MARCHF1: variants seen among roughly 807,000 people sequenced by gnomAD.
MARCHF1 encodes the protein membrane associated ring-CH-type finger 1.
A neutral mutation model predicts 54.2 loss-of-function variants in MARCHF1; 40 were observed. The observed-to-expected ratio is 0.74, with a 90% CI of 0.57 to 0.96. The LOEUF (loss-of-function observed/expected upper bound fraction) is 0.96, where lower values mean the gene tolerates loss of function less well. Ranked by LOEUF, MARCHF1 falls within the 40% of genes least tolerant of loss-of-function variation. The probability of loss-of-function intolerance (pLI) is 0.00; values close to 1 mark genes in which losing one functional copy is unlikely to be tolerated. For missense variants in MARCHF1, 586 were observed against 656.5 expected (o/e 0.89, Z 1.17); for synonymous variants, 236 against 236.3 (o/e 1.00, Z 0.01).
At chr4:163,882,906 G>A (rs1750448196) in intron 3 of MARCHF1, among the ~76,000 whole-genome samples, 1 of 152,150 alleles carries the variant, frequency 6.6e-6, no homozygotes, top group Non-Finnish European at 1.5e-5. Context: ...GAGCCCACAA[G>A]GTCAAGGCTA....
chr4:163,689,609 G>C (rs1744379780), intron 5 of MARCHF1, among the ~76,000 whole-genome samples: 1 of 151,870 alleles, frequency 6.6e-6, no homozygotes, highest in South Asian at 2.1e-4. Context: ...TGCAGTTCTA[G>C]AGTCAATAAC....
At chr4:163,793,934 C>T (rs576340634) in intron 4 of MARCHF1, among the ~76,000 whole-genome samples, 47 of 152,238 alleles carry the variant, frequency 3.1e-4, no homozygotes, top group African/African-American at 1.0e-3. Context: ...CCGAAGCTCC[C>T]GGCTGAATAA....
At chr4:164,373,366 T>G (rs1194263268) in intron 1 of MARCHF1, among the ~76,000 whole-genome samples, 4 of 146,308 alleles carry the variant, frequency 2.7e-5, no homozygotes, top group African/African-American at 1.0e-4. Flanking sequence ...TTTTTTTTTT[T>G]TTTTTTTTTG....
rs112527286 is a variant in MARCHF1 at position 163,546,891 on chromosome 4, A to G, written c.1192-1148T>C. On this transcript the variant is annotated intron_variant, in intron 8 of 9. Coordinates refer to ENST00000514618, the MANE Select transcript of MARCHF1 (RefSeq NM_001394959.1). ...TATATTTTAATGTCTTTGTAGCTAC[A>G]GTATCACTTCATTATTATGTTAGGA... Among the ~76,000 whole-genome samples the G allele has an allele frequency of 2.4e-3, 370 of 152,334 alleles. 4 individuals carry two copies. The highest frequency in any genetic ancestry group is 3.6e-3 in the Non-Finnish European group (247 of 68,032).
intron 1 of MARCHF1, among the ~76,000 whole-genome samples, chr4:164,291,311 A>G (rs1734277866): frequency 6.6e-6 from 1 of 151,998 alleles, no homozygotes; most frequent in African/African-American, 2.4e-5. Flanking sequence ...TGCAATTAAA[A>G]TCATTTTTTG....
At chr4:163,940,676 TTG>T (rs1489770983) in intron 3 of MARCHF1, among the ~76,000 whole-genome samples, 3 of 152,108 alleles carry the variant, frequency 2.0e-5, no homozygotes, top group Admixed American at 1.3e-4. Context: ...TATAAAATAT[TTG>T]TGTGTCTTAG....
At chr4:164,074,363 G>C (rs1347072297) in intron 2 of MARCHF1, among the ~76,000 whole-genome samples, 2 of 152,090 alleles carry the variant, frequency 1.3e-5, no homozygotes, top group Non-Finnish European at 2.9e-5. Flanking sequence ...TCAAGTGGTT[G>C]GTTGTCCATT....
intron 9 of MARCHF1, among the ~76,000 whole-genome samples, chr4:163,541,425 A>G (rs571116760): frequency 6.6e-6 from 1 of 152,338 alleles, no homozygotes; most frequent in South Asian, 2.1e-4. Flanking sequence ...ATTCTTCTAG[A>G]CTATGTAAAG....
chr4:163,774,440 A>G lies in MARCHF1; in HGVS notation c.112-73577T>C, dbSNP rs74316498. ...CTCAAGAAAAATATTATAATAGGGA[A>G]AGATAAAAGCTGATATTGACAAATG... On this transcript the variant is annotated intron_variant, in intron 4 of 9. Coordinates refer to ENST00000514618, the MANE Select transcript of MARCHF1 (RefSeq NM_001394959.1). Among the ~76,000 whole-genome samples, 73 of 152,194 alleles carry G rather than the reference A, an allele frequency of 4.8e-4. 3 individuals are homozygous for G. In the East Asian group the frequency reaches 0.011, roughly 22 times the overall value.
intron 2 of MARCHF1, among the ~76,000 whole-genome samples, chr4:164,108,034 A>G (rs1274198951): frequency 6.6e-6 from 1 of 152,092 alleles, no homozygotes; most frequent in African/African-American, 2.4e-5. Flanking sequence ...ATTTGACATA[A>G]TCTTTGATTT....
At chr4:164,143,956 C>G (rs545685669) in intron 1 of MARCHF1, among the ~76,000 whole-genome samples, 2 of 151,910 alleles carry the variant, frequency 1.3e-5, no homozygotes, top group African/African-American at 2.4e-5. Flanking sequence ...CACATAGGCT[C>G]AAAATAAAAG....
At position 163,670,359 on chromosome 4, in the gene MARCHF1, G is replaced by GATTT. The variant is rs1554003160; in HGVS notation, c.162+30453_162+30454insAAAT. On this transcript the variant is annotated intron_variant, in intron 5 of 9. Transcript: ENST00000514618. ...AAGACAAATTATAGACCTAGAGTAG[G>GATTT]ATCTATCTATCTATCTATCTATCTG... 7.6e-5 allele frequency among the ~76,000 whole-genome samples: 11 copies of GATTT among 143,828 alleles called. No homozygotes were observed. In the East Asian group the frequency reaches 2.2e-3, roughly 29 times the overall value. The allele number at this position is 143,828 out of a possible 152,430, so 94.4% of individuals were successfully genotyped here.
chr4:163,643,411 G>A (rs902918033), intron 5 of MARCHF1, among the ~76,000 whole-genome samples: 1 of 151,870 alleles, frequency 6.6e-6, no homozygotes, highest in Non-Finnish European at 1.5e-5. Flanking sequence ...CTGGCTTCAG[G>A]TGATCCTCCT....
rs770167151 is a variant in MARCHF1, at chr4:163,618,849, T to C, written c.163-5456A>G. Reference sequence around the variant, plus strand: ...AACTGGCAATTTTAATACAGTCTGGTATATCCTGATAGTGCCCAATAGTGG... The same window carrying C: ...AACTGGCAATTTTAATACAGTCTGGCATATCCTGATAGTGCCCAATAGTGG... On this transcript the variant is annotated intron_variant, in intron 5 of 9. Transcript: ENST00000514618. Among the ~76,000 whole-genome samples the C allele has an allele frequency of 1.6e-4, 25 of 152,276 alleles. 1 individual carries two copies. Among genetic ancestry groups the C allele is most frequent in the African/African-American group, 6.0e-4 (25 of 41,566 alleles).
intron 1 of MARCHF1, among the ~76,000 whole-genome samples, chr4:164,374,685 G>A (rs375384763): frequency 1.7e-4 from 26 of 151,966 alleles, no homozygotes; most frequent in African/African-American, 3.1e-4. Context: ...TTAATAATGC[G>A]TCAAATTGAT....
intron 1 of MARCHF1, among the ~76,000 whole-genome samples, chr4:164,214,988 G>A (rs1468378686): frequency 6.6e-6 from 1 of 152,190 alleles, no homozygotes; most frequent in Non-Finnish European, 1.5e-5. Context: ...GCAGTGTCTA[G>A]GGGTGAATGT....
intron 1 of MARCHF1, among the ~76,000 whole-genome samples, chr4:164,200,328 G>A (rs72987750): frequency 0.012 from 1,898 of 152,246 alleles, 43 homozygotes; most frequent in African/African-American, 0.044. Flanking sequence ...CAAGGATGGC[G>A]TCAGTCCTAA....
rs187463617 is a variant in MARCHF1 at position 164,160,123 on chromosome 4, T to C, written c.-322-48461A>G. 1.8e-4 allele frequency among the ~76,000 whole-genome samples: 27 copies of C among 152,286 alleles called. No individual in the cohort carries two copies. In the East Asian group the frequency reaches 5.0e-3, roughly 28 times the overall value. On this transcript the variant is annotated intron_variant, in intron 1 of 9. Transcript: ENST00000514618. The stretch of plus-strand genomic sequence containing the variant: ...CCTAATTATGGATAAAGTATAATGG[T>C]TTTATTACTTTTCAAATTCGATATT...
intron 7 of MARCHF1, among the ~76,000 whole-genome samples, chr4:163,591,278 T>C (rs2110847530): frequency 6.6e-6 from 1 of 152,114 alleles, no homozygotes; most frequent in Non-Finnish European, 1.5e-5. Context: ...CTTCATACCT[T>C]TGACACCTTC....
Sources: gnomAD v4.1 joint callset for allele counts (sites outside exome capture counted in the v4.1 genomes callset) on GRCh38, gnomAD v4.1.1 for gene constraint, MANE v1.5 for transcripts, NCBI Gene and HGNC (gene_info 2026-07-23, HGNC 2026-07-21) for gene names.